The following ADGRL4 variants were observed in gnomAD, a reference collection of about 807,000 sequenced individuals.
ADGRL4 encodes the protein EGF, latrophilin and seven transmembrane domain containing 1.
A neutral mutation model predicts 74.8 loss-of-function variants in ADGRL4; 90 were observed. The observed-to-expected ratio is 1.20, with a 90% CI of 1.02 to 1.43. The LOEUF is 1.43. Among genes scored for constraint, ADGRL4 ranks in the 40% most tolerant of loss-of-function variants. The pLI is 0.00. For synonymous variants in ADGRL4, 311 were observed against 279.2 expected, an observed-to-expected ratio of 1.11 and a Z score of -1.14; for missense variants, 881 against 814.3, an observed-to-expected ratio of 1.08 and a Z score of -1.00.
At chr1:78,931,209 C>A (rs557493240) in intron 7 of ADGRL4, among the ~76,000 whole-genome samples, 1 of 151,282 alleles carries the variant, frequency 6.6e-6, no homozygotes, top group East Asian at 1.9e-4. Flanking sequence ...TAAAGGGAAG[C>A]TCATCAGACT....
At chr1:78,949,722 T>C (rs570589563) in intron 2 of ADGRL4, among the ~76,000 whole-genome samples, 1 of 152,206 alleles carries the variant, frequency 6.6e-6, no homozygotes, top group East Asian at 1.9e-4. Flanking sequence ...TTATTTCTAA[T>C]GTTCAAATCA....
chr1:78,939,991 G>C (rs1043017205), intron 3 of ADGRL4, among the ~76,000 whole-genome samples: 11 of 152,044 alleles, frequency 7.2e-5, no homozygotes, highest in Non-Finnish European at 1.3e-4. Flanking sequence ...AATCAATTTT[G>C]ACAGAGTATT....
At position 78,945,177 on chromosome 1, in the gene ADGRL4, A is replaced by AAAAAAAATATATATAT. The variant is rs376405445; in HGVS notation, c.325+1096_325+1097insATATATATATTTTTTT. 2.2e-4 allele frequency among the ~76,000 whole-genome samples: 28 copies of AAAAAAAATATATATAT among 127,928 alleles called. 1 individual carries two copies. The highest frequency in any genetic ancestry group is 1.4e-3 in the East Asian group (5 of 3,632). The allele number at this position is 127,928 out of a possible 152,430, so 83.9% of individuals were successfully genotyped here. A position where few individuals can be genotyped will look rare whatever the true frequency, so the allele number is the denominator to read the frequency against. On this transcript the variant is annotated intron_variant, in intron 3 of 14. Transcript: ENST00000370742. ...GAGACTCTGTCTCAAAAAAAAAAAAAATATATATATATATATATATCTCAA... is the reference window on the plus strand; with the variant it reads ...GAGACTCTGTCTCAAAAAAAAAAAAAAAAAAAATATATATATATATATATATATATATATATCTCAA...
intron 8 of ADGRL4, among the ~76,000 whole-genome samples, chr1:78,922,333 TC>T (rs1380236193): frequency 6.6e-6 from 1 of 151,840 alleles, no homozygotes; most frequent in Admixed American, 6.6e-5. Context: ...AACAGAGGGT[TC>T]CAAACAGTTG....
intron 7 of ADGRL4, among the ~76,000 whole-genome samples, chr1:78,927,638 A>C (rs1649146768): frequency 1.3e-5 from 2 of 152,080 alleles, no homozygotes; most frequent in South Asian, 4.1e-4. Flanking sequence ...TGCTTGAGAG[A>C]TGGCCATTTA....
At chr1:78,931,992 G>C (rs541999023) in intron 7 of ADGRL4, among the ~76,000 whole-genome samples, 18 of 151,252 alleles carry the variant, frequency 1.2e-4, no homozygotes, top group Non-Finnish European at 2.1e-4. Context: ...AGACTTTGAC[G>C]CCCCACTGTC....
intron 12 of ADGRL4, among the ~76,000 whole-genome samples, chr1:78,906,427 T>C (rs1648637138): frequency 6.6e-6 from 1 of 151,970 alleles, no homozygotes; most frequent in South Asian, 2.1e-4. Context: ...ACTGGACATC[T>C]GTATCCATGA....
At chr1:78,898,830 A>G (rs1262840094) in intron 12 of ADGRL4, among the ~76,000 whole-genome samples, 1 of 152,204 alleles carries the variant, frequency 6.6e-6, no homozygotes, top group African/African-American at 2.4e-5. Context: ...TTCAAAGCTT[A>G]GCACATACAT....
intron 9 of ADGRL4, 119 bp from the exon 10 acceptor site, chr1:78,920,505 T>A: frequency 1.5e-6 from 1 of 669,074 alleles, no homozygotes; most frequent in Non-Finnish European, 2.4e-6. Context: ...TCATAAAATG[T>A]AAAAATATAA....
At chr1:78,925,264 A>G (rs1180455036) in intron 8 of ADGRL4, among the ~76,000 whole-genome samples, 1 of 152,060 alleles carries the variant, frequency 6.6e-6, no homozygotes, top group African/African-American at 2.4e-5. Context: ...AAATTATTTA[A>G]TCTCACAGGC....
At chr1:78,937,614 A>G (rs1337063841) in intron 6 of ADGRL4, among the ~76,000 whole-genome samples, 193 bp downstream of exon 6, 6 of 152,192 alleles carry the variant, frequency 3.9e-5, no homozygotes, top group African/African-American at 7.2e-5. Context: ...ACACTTGTGG[A>G]TTTATCCTTT....
intron 12 of ADGRL4, among the ~76,000 whole-genome samples, chr1:78,894,748 A>G (rs1273703288): frequency 1.3e-5 from 2 of 151,868 alleles, no homozygotes; most frequent in Admixed American, 1.3e-4. Flanking sequence ...ACTTTAAATA[A>G]TTTTTATGAG....
At chr1:78,983,926 CAGAT>C (rs1325824696) in intron 2 of ADGRL4, among the ~76,000 whole-genome samples, 3 of 151,740 alleles carry the variant, frequency 2.0e-5, no homozygotes, top group East Asian at 3.9e-4. Flanking sequence ...TCTGTAAACT[CAGAT>C]AGCCATCTTC....
At chr1:78,937,483 C>T (rs1396120767) in intron 6 of ADGRL4, among the ~76,000 whole-genome samples, 2 of 152,078 alleles carry the variant, frequency 1.3e-5, no homozygotes, top group African/African-American at 4.8e-5. Context: ...GATCATTGGT[C>T]AAGGTAGATC....
intron 12 of ADGRL4, among the ~76,000 whole-genome samples, chr1:78,910,854 G>T (rs1648748441): frequency 6.6e-6 from 1 of 151,720 alleles, no homozygotes; most frequent in Non-Finnish European, 1.5e-5. Context: ...TAGAATCAAT[G>T]AGGTCACTGG....
At chr1:78,904,991 T>A (rs2100658076) in intron 12 of ADGRL4, among the ~76,000 whole-genome samples, 1 of 152,204 alleles carries the variant, frequency 6.6e-6, no homozygotes, top group East Asian at 1.9e-4. Flanking sequence ...GTGTATTTAT[T>A]CAACAATTGG....
At chr1:78,926,663 A>C (rs1649120511) in intron 8 of ADGRL4, among the ~76,000 whole-genome samples, 1 of 152,062 alleles carries the variant, frequency 6.6e-6, no homozygotes, top group Non-Finnish European at 1.5e-5. Context: ...TTAATTCCAG[A>C]GAATCAAATT....
At chr1:78,917,449 G>A (rs1339314431) in intron 12 of ADGRL4, among the ~76,000 whole-genome samples, 185 bp downstream of exon 12, 1 of 150,410 alleles carries the variant, frequency 6.6e-6, no homozygotes, top group African/African-American at 2.4e-5. Flanking sequence ...ATGTATAAAA[G>A]CTATACATGA....
intron 12 of ADGRL4, among the ~76,000 whole-genome samples, chr1:78,906,144 TG>T (rs1648629653): frequency 6.6e-6 from 1 of 151,992 alleles, no homozygotes; most frequent in South Asian, 2.1e-4. Context: ...TTGGGCACAC[TG>T]GTAGGCCACA....
Sources: allele counts gnomAD v4.1 joint callset (sites outside exome capture counted in the v4.1 genomes callset), GRCh38; gene constraint gnomAD v4.1.1; transcripts MANE v1.5; gene names NCBI Gene and HGNC (gene_info 2026-07-23, HGNC 2026-07-21).